Variants in RIPOR2 observed in about 807,000 individuals in gnomAD.
The protein encoded by RIPOR2 is RHO family interacting cell polarization regulator 2, also known as rho family-interacting cell polarization regulator 2.
In RIPOR2, 39 loss-of-function variants were observed where a neutral mutation model predicts 114.5. The ratio of observed to expected loss-of-function variants is 0.34; its 90% CI spans 0.26 to 0.44. The LOEUF is 0.44. RIPOR2 is among the 20% of genes least tolerant of loss of function. The pLI is 1.00. For missense variants in RIPOR2, 1,007 were observed against 1,255.1 expected, an observed-to-expected ratio of 0.80 and a Z score of 2.99; for synonymous variants, 445 against 484.4, an observed-to-expected ratio of 0.92 and a Z score of 1.07.
chr6:24,994,265 G>C (rs1301265309), intron 1 of RIPOR2, among the ~76,000 whole-genome samples: 2 of 152,134 alleles, frequency 1.3e-5, no homozygotes, highest in Non-Finnish European at 2.9e-5. Flanking sequence ...ATGTTAAGAA[G>C]AGAGAAGACT....
At chr6:25,030,197 C>A (rs184075649) in intron 1 of RIPOR2, among the ~76,000 whole-genome samples, 1 of 152,064 alleles carries the variant, frequency 6.6e-6, no homozygotes, top group Non-Finnish European at 1.5e-5. Context: ...GTTGTATAAT[C>A]ATATACAATG....
chr6:25,009,286 C>T (rs1012075435), intron 1 of RIPOR2, among the ~76,000 whole-genome samples: 1 of 152,224 alleles, frequency 6.6e-6, no homozygotes, highest in Non-Finnish European at 1.5e-5. Context: ...TGCTTCTCTG[C>T]CTTTCAACCT....
chr6:24,901,969 A>C (rs1768495374), intron 1 of RIPOR2, among the ~76,000 whole-genome samples: 1 of 152,226 alleles, frequency 6.6e-6, no homozygotes, highest in Non-Finnish European at 1.5e-5. Flanking sequence ...CAGAGATATA[A>C]GGCACTATCA....
chr6:24,979,338 T>C (rs1033455201), intron 1 of RIPOR2, among the ~76,000 whole-genome samples: 4 of 151,614 alleles, frequency 2.6e-5, no homozygotes, highest in Admixed American at 2.6e-4. Flanking sequence ...GACATTCCTT[T>C]TCTGTTTTTA....
intron 1 of RIPOR2, among the ~76,000 whole-genome samples, chr6:24,899,212 T>C (rs1768176987): frequency 6.6e-6 from 1 of 152,034 alleles, no homozygotes. Context: ...CAAATCTTGA[T>C]ATAGGAAATA....
At position 24,984,662 on chromosome 6, in the gene RIPOR2, C is replaced by A. The variant is rs1305777382; in HGVS notation, c.76+57189G>T. On this transcript the variant is annotated intron_variant, in intron 1 of 13. Transcript: ENST00000510784. ...GAGACCCCGTCTCTCAAAAAAAAAA[C>A]CTAAAAAATAAATAAAGCACTTGGC... Among the ~76,000 whole-genome samples the A allele has an allele frequency of 1.1e-4, 13 of 120,822 alleles. No homozygotes were observed. In the East Asian group the frequency reaches 2.9e-3, roughly 27 times the overall value. The allele number at this position is 120,822 out of a possible 152,430, so 79.3% of individuals were successfully genotyped here. A position where few individuals can be genotyped will look rare whatever the true frequency, so the allele number is the denominator to read the frequency against.
intron 19 of RIPOR2, 47 bp downstream of exon 19, chr6:24,825,179 G>A: frequency 7.3e-7 from 1 of 1,373,636 alleles, no homozygotes; most frequent in Non-Finnish European, 1.0e-6. Flanking sequence ...TAAATGATAG[G>A]AAATTAAACC....
At chr6:24,985,803 G>GT (rs11464788) in intron 1 of RIPOR2, among the ~76,000 whole-genome samples, 52,817 of 151,990 alleles carry the variant, frequency 0.35, 9,689 homozygotes, top group Non-Finnish European at 0.43. Flanking sequence ...ACTGATAGCA[G>GT]TAAGTCACTC....
chr6:25,009,973 GGA>G (rs1775713217), intron 1 of RIPOR2, among the ~76,000 whole-genome samples: 1 of 152,124 alleles, frequency 6.6e-6, no homozygotes, highest in Non-Finnish European at 1.5e-5. Flanking sequence ...AGAACTTCCA[GGA>G]GAGAGTTAGG....
chr6:24,887,299 C>T (rs1766925801), intron 1 of RIPOR2, among the ~76,000 whole-genome samples: 1 of 151,278 alleles, frequency 6.6e-6, no homozygotes, highest in Admixed American at 6.6e-5. Context: ...ATGCTCGGTA[C>T]AGGGTAAGAT....
chr6:24,972,508 C>T (rs1269917015), intron 1 of RIPOR2, among the ~76,000 whole-genome samples: 1 of 152,126 alleles, frequency 6.6e-6, no homozygotes, highest in Non-Finnish European at 1.5e-5. Context: ...ATGACATTTA[C>T]CCTGAAGAAG....
At chr6:24,869,577 C>G (rs1263472621) in intron 5 of RIPOR2, among the ~76,000 whole-genome samples, 3 of 152,074 alleles carry the variant, frequency 2.0e-5, no homozygotes, top group African/African-American at 7.2e-5. Flanking sequence ...CTTGGCCTCC[C>G]AAAGTGCTGG....
chr6:24,996,477 C>T (rs1419513008), intron 1 of RIPOR2, among the ~76,000 whole-genome samples: 2 of 152,170 alleles, frequency 1.3e-5, no homozygotes, highest in African/African-American at 4.8e-5. Context: ...GGCTGCCTCT[C>T]GTCTATACAG....
intron 15 of RIPOR2, among the ~76,000 whole-genome samples, chr6:24,833,020 C>T (rs941666344): frequency 6.6e-5 from 10 of 152,068 alleles, no homozygotes; most frequent in African/African-American, 2.2e-4. Context: ...AAGTAACCTG[C>T]CCAAGGTCAC....
intron 1 of RIPOR2, among the ~76,000 whole-genome samples, chr6:24,975,142 G>T (rs1773984860): frequency 6.6e-6 from 1 of 152,166 alleles, no homozygotes; most frequent in African/African-American, 2.4e-5. Context: ...GAACTGTACG[G>T]TATGTGAATT....
At chr6:24,917,131 C>G (rs1336906255) in intron 1 of RIPOR2, among the ~76,000 whole-genome samples, 1 of 151,950 alleles carries the variant, frequency 6.6e-6, no homozygotes, top group Non-Finnish European at 1.5e-5. Flanking sequence ...TTCCCCCGGC[C>G]CTTTTCTTGG....
chr6:24,829,335 T>TA (rs1760465253), intron 17 of RIPOR2, among the ~76,000 whole-genome samples: 1 of 151,490 alleles, frequency 6.6e-6, no homozygotes, highest in East Asian at 1.9e-4. Flanking sequence ...ATTAATTAAT[T>TA]AAAAAAAATT....
In RIPOR2 at chr6:24,873,786, TGAAGGAG is replaced by T; in HGVS notation, c.195_201del (p.Asn65LysfsTer15). The stretch of plus-strand genomic sequence containing the variant: ...TTCTTGAGAGCGGAGGAATTTTCAA[TGAAGGAG>T]TTACACCTATGGAAAGAACAGAAGA... On this transcript the variant is annotated frameshift_variant, in exon 3 of 22. Transcript: ENST00000643898. LOFTEE classifies it high-confidence loss of function. 6.2e-7 allele frequency: 1 copy of T among 1,611,708 alleles called. No individual in the cohort carries two copies. The highest frequency in any genetic ancestry group is 1.7e-5 in the Admixed American group (1 of 59,366).
Position 24,832,271 on chromosome 6 carries a change from T to A in RIPOR2, c.2329A>T (p.Ser777Cys), listed in dbSNP as rs1447691210. ...AGATACTTACCTTCCACAACAGAACTGATATTTCCTATGTTCTCATCACTG... is the reference window on the plus strand; with the variant it reads ...AGATACTTACCTTCCACAACAGAACAGATATTTCCTATGTTCTCATCACTG... The part of the protein sequence containing the change: ...AVSDENIGNI[S>C]SVVEAIPEFH... The change falls in exon 16 of 22, where the codon AGT becomes TGT. Residue 777 changes from serine to cysteine, a missense_variant. By Grantham distance (112) the Ser-to-Cys change is moderately radical (BLOSUM62 -1). Coordinates refer to ENST00000643898, the MANE Select transcript of RIPOR2 (RefSeq NM_001286445.3). 2.6e-6 allele frequency: 4 copies of A among 1,551,608 alleles called. No individual in the cohort carries two copies. Among genetic ancestry groups the A allele is most frequent in the Non-Finnish European group, 3.5e-6 (4 of 1,146,958 alleles).
Sources: allele counts gnomAD v4.1 joint callset (sites outside exome capture counted in the v4.1 genomes callset), GRCh38; gene constraint gnomAD v4.1.1; transcripts MANE v1.5; gene names NCBI Gene and HGNC (gene_info 2026-07-23, HGNC 2026-07-21).